Variants in BCKDHA observed in about 807,000 individuals in gnomAD.
BCKDHA encodes branched chain keto acid dehydrogenase E1 subunit alpha.
In BCKDHA, 43 loss-of-function variants were observed where a neutral mutation model predicts 52.2. The ratio of observed to expected loss-of-function variants is 0.82; its 90% CI spans 0.64 to 1.06. The LOEUF is 1.06. BCKDHA is among the 50% of genes least tolerant of loss of function. The pLI is 0.00. For missense variants in BCKDHA, 527 were observed against 621.3 expected, an observed-to-expected ratio of 0.85 and a Z score of 1.61; for synonymous variants, 234 against 247.9, an observed-to-expected ratio of 0.94 and a Z score of 0.53.
chr19:41,403,963 A>T (rs1441270559), intron 1 of BCKDHA, among the ~76,000 whole-genome samples: 1 of 152,144 alleles, frequency 6.6e-6, no homozygotes, highest in Non-Finnish European at 1.5e-5. Flanking sequence ...GTGAGTATTT[A>T]CTTATTTATT....
intron 3 of BCKDHA, among the ~76,000 whole-genome samples, chr19:41,411,563 C>T (rs1308474642): frequency 6.6e-6 from 1 of 152,176 alleles, no homozygotes; most frequent in East Asian, 1.9e-4. Flanking sequence ...CATGGCACAT[C>T]CCAGCTATCC....
chr19:41,418,584 T>G (rs561557290), intron 4 of BCKDHA: 1 of 335,182 alleles, frequency 3.0e-6, no homozygotes, highest in African/African-American at 2.2e-5. Flanking sequence ...CAGATTGGAG[T>G]GCAGTGGCAC....
At chr19:41,403,778 G>T (rs1298679343) in intron 1 of BCKDHA, among the ~76,000 whole-genome samples, 1 of 152,164 alleles carries the variant, frequency 6.6e-6, no homozygotes, top group Non-Finnish European at 1.5e-5. Flanking sequence ...ACGAGGGCAC[G>T]CAGGTTCACA....
chr19:41,408,263 T>A (rs911897290), intron 1 of BCKDHA, among the ~76,000 whole-genome samples: 3 of 68,128 alleles, frequency 4.4e-5, no homozygotes, highest in Admixed American at 1.3e-4. Context: ...CATCCCCACC[T>A]TTTTTTTTTT....
intron 4 of BCKDHA, among the ~76,000 whole-genome samples, chr19:41,418,310 G>A (rs771298598): frequency 3.3e-5 from 5 of 152,028 alleles, no homozygotes; most frequent in African/African-American, 4.8e-5. Flanking sequence ...CTCTTCAGGC[G>A]GGGCAAAGAG....
chr19:41,419,106 C>G (rs770609569), intron 4 of BCKDHA, 29 bp from the exon 5 acceptor site: 2 of 1,613,812 alleles, frequency 1.2e-6, no homozygotes, highest in Admixed American at 3.3e-5. Flanking sequence ...ACTGCCCACT[C>G]GGCTAACCAT....
At chr19:41,421,607 G>A (rs1040779246) in intron 5 of BCKDHA, among the ~76,000 whole-genome samples, 2 of 147,150 alleles carry the variant, frequency 1.4e-5, no homozygotes, top group Non-Finnish European at 3.0e-5. Flanking sequence ...GTAAAGTCCA[G>A]GAGGTGGTGG....
chr19:41,418,677 CA>C (rs1430685246), intron 4 of BCKDHA: 2 of 439,282 alleles, frequency 4.6e-6, no homozygotes, highest in Non-Finnish European at 9.0e-6. Flanking sequence ...ACCACAGGCA[CA>C]CATCACCATG....
At chr19:41,400,274 C>T (rs1213899938) in intron 1 of BCKDHA, 1 of 149,680 alleles carries the variant, frequency 6.7e-6, no homozygotes, top group African/African-American at 2.5e-5. Context: ...GAGTCTTGCT[C>T]TGTCACCCAA....
intron 4 of BCKDHA, among the ~76,000 whole-genome samples, chr19:41,415,783 G>A (rs550121806): frequency 6.6e-6 from 1 of 151,760 alleles, no homozygotes; most frequent in Non-Finnish European, 1.5e-5. Flanking sequence ...CGAGTAGCTG[G>A]GACTACAGGC....
At chr19:41,417,856 C>A (rs1160747805) in intron 4 of BCKDHA, among the ~76,000 whole-genome samples, 1 of 151,308 alleles carries the variant, frequency 6.6e-6, no homozygotes, top group Non-Finnish European at 1.5e-5. Flanking sequence ...ACCCAGGAGG[C>A]AGAGGTTGCA....
intron 4 of BCKDHA, among the ~76,000 whole-genome samples, chr19:41,416,107 C>A (rs1187499978): frequency 1.3e-5 from 2 of 152,028 alleles, no homozygotes; most frequent in Admixed American, 1.3e-4. Context: ...CCATGCCTGG[C>A]TAATTTTTGT....
chr19:41,408,248 C>CAT (rs2039214363), intron 1 of BCKDHA, among the ~76,000 whole-genome samples: 2 of 150,114 alleles, frequency 1.3e-5, no homozygotes, highest in African/African-American at 4.9e-5. Flanking sequence ...TAAGCCACTG[C>CAT]CCAGCATCCC....
At chr19:41,415,179 T>C (rs907296748) in intron 4 of BCKDHA, among the ~76,000 whole-genome samples, 1 of 152,208 alleles carries the variant, frequency 6.6e-6, no homozygotes, top group African/African-American at 2.4e-5. Flanking sequence ...TGGCCCCACA[T>C]GCTCTAGGAG....
intron 5 of BCKDHA, among the ~76,000 whole-genome samples, chr19:41,421,766 G>A (rs995840205): frequency 6.6e-6 from 1 of 152,076 alleles, no homozygotes; most frequent in African/African-American, 2.4e-5. Context: ...TGGAATCCGC[G>A]GGCTGCCCTG....
intron 8 of BCKDHA, 116 bp downstream of exon 8, chr19:41,423,285 G>T: frequency 1.4e-6 from 2 of 1,480,900 alleles, no homozygotes; most frequent in African/African-American, 2.8e-5. Context: ...TGATGTCTCA[G>T]ATGTGGCCTG....
chr19:41,422,396 A>C (rs1599960940), intron 6 of BCKDHA, 26 bp downstream of exon 6: 2 of 1,612,246 alleles, frequency 1.2e-6, no homozygotes, highest in South Asian at 1.1e-5. Context: ...GCTGCTCCCC[A>C]CCCCGCTGGG....
chr19:41,409,387 C>T (rs10422226), intron 1 of BCKDHA, among the ~76,000 whole-genome samples: 6,215 of 152,192 alleles, frequency 0.041, 383 homozygotes, highest in African/African-American at 0.14. Flanking sequence ...TGTTTAGTGT[C>T]TGCCCTCCCT....
Position 41,397,827 on chromosome 19 carries a change from G to C in BCKDHA, c.-1G>C. On this transcript the variant is annotated 5_prime_UTR_variant, in exon 1 of 9. Transcript: ENST00000269980. The stretch of plus-strand genomic sequence containing the variant: ...GGACCGCTGAGTGGTTGTTAGCCAA[G>C]ATGGCGGTAGCGATCGCTGCAGCGA... The C allele has an allele frequency of 6.2e-7, 1 of 1,614,144 alleles. No individual in the cohort carries two copies. Among genetic ancestry groups the C allele is most frequent in the Non-Finnish European group, 8.5e-7 (1 of 1,179,998 alleles).
Sources: allele counts gnomAD v4.1 joint callset (sites outside exome capture counted in the v4.1 genomes callset), GRCh38; gene constraint gnomAD v4.1.1; transcripts MANE v1.5; gene names NCBI Gene and HGNC (gene_info 2026-07-23, HGNC 2026-07-21).